NR6A1: variants seen among roughly 807,000 people sequenced by gnomAD.
The protein encoded by NR6A1 is nuclear receptor subfamily 6 group A member 1, also known as retinoic acid receptor-related testis-associated receptor.
NR6A1 carries 7 observed loss-of-function variants against 59.1 expected under a neutral mutation model. The ratio of observed to expected loss-of-function variants is 0.12; its 90% CI spans 0.07 to 0.22. The LOEUF (loss-of-function observed/expected upper bound fraction) is 0.22. Among genes scored for constraint, NR6A1 ranks in the 10% least tolerant of loss-of-function variants. The pLI is 1.00. For synonymous variants in NR6A1, 243 were observed against 236.1 expected, an observed-to-expected ratio of 1.03 and a Z score of -0.27; for missense variants, 468 against 611.6, an observed-to-expected ratio of 0.77 and a Z score of 2.48.
chr9:124,568,010 C>T (rs1266053098), intron 2 of NR6A1, among the ~76,000 whole-genome samples: 5 of 150,044 alleles, frequency 3.3e-5, no homozygotes, highest in Non-Finnish European at 5.9e-5. Context: ...CCCATCTCTA[C>T]TAAAAATACA....
At chr9:124,729,835 G>A (rs1357187751) in intron 2 of NR6A1, among the ~76,000 whole-genome samples, 2 of 147,434 alleles carry the variant, frequency 1.4e-5, no homozygotes, top group African/African-American at 2.5e-5. Context: ...TTTTTGAGAC[G>A]GAGTCTCGCT....
chr9:124,611,740 A>G (rs1835749158), intron 2 of NR6A1, among the ~76,000 whole-genome samples: 1 of 147,378 alleles, frequency 6.8e-6, no homozygotes, highest in Non-Finnish European at 1.5e-5. Flanking sequence ...ACAGAGTGAG[A>G]CCCTGTCTTA....
chr9:124,634,053 T>C (rs999694818), intron 2 of NR6A1, among the ~76,000 whole-genome samples: 1 of 152,250 alleles, frequency 6.6e-6, no homozygotes. Context: ...AAGTTGATTA[T>C]TCAGAGGATG....
intron 1 of NR6A1, among the ~76,000 whole-genome samples, chr9:124,759,770 G>A (rs932117481): frequency 6.6e-6 from 1 of 152,198 alleles, no homozygotes; most frequent in African/African-American, 2.4e-5. Context: ...GCCAGGGGCT[G>A]TGGCTCACAG....
intron 2 of NR6A1, among the ~76,000 whole-genome samples, chr9:124,559,909 T>C (rs564996526): frequency 1.6e-4 from 24 of 152,386 alleles, no homozygotes; most frequent in African/African-American, 5.8e-4. Flanking sequence ...TGATTTTTCT[T>C]AATATCATTT....
intron 2 of NR6A1, among the ~76,000 whole-genome samples, chr9:124,679,326 C>A (rs1282142994): frequency 6.6e-6 from 1 of 152,122 alleles, no homozygotes; most frequent in Non-Finnish European, 1.5e-5. Context: ...CTTTGTTCTC[C>A]AAACTGATTT....
intron 2 of NR6A1, chr9:124,599,355 G>T (rs1009680120): frequency 2.8e-6 from 1 of 359,180 alleles, no homozygotes; most frequent in Non-Finnish European, 5.3e-6. Context: ...GGAGGCGGAG[G>T]TTGCAGTGAG....
intron 2 of NR6A1, among the ~76,000 whole-genome samples, chr9:124,582,128 A>G (rs536315517): frequency 1.3e-5 from 2 of 152,328 alleles, no homozygotes; most frequent in African/African-American, 2.4e-5. Context: ...GTACATGTAC[A>G]TTCATTGCAG....
At chr9:124,712,288 C>T (rs1317209883) in intron 2 of NR6A1, among the ~76,000 whole-genome samples, 1 of 151,772 alleles carries the variant, frequency 6.6e-6, no homozygotes, top group African/African-American at 2.4e-5. Context: ...GGGAATATGC[C>T]CAAAATGAGA....
intron 2 of NR6A1, among the ~76,000 whole-genome samples, chr9:124,567,704 C>A (rs1564182861): frequency 6.6e-6 from 1 of 152,234 alleles, no homozygotes; most frequent in East Asian, 1.9e-4. Flanking sequence ...AAAAACCATA[C>A]TGACTTAAAA....
chr9:124,708,844 C>T (rs1331706100), intron 2 of NR6A1, among the ~76,000 whole-genome samples: 1 of 152,188 alleles, frequency 6.6e-6, no homozygotes, highest in Non-Finnish European at 1.5e-5. Context: ...GCCTTGGTCA[C>T]TATGATTAAG....
At chr9:124,553,976 G>A (rs1015694385) in intron 3 of NR6A1, among the ~76,000 whole-genome samples, 6 of 152,124 alleles carry the variant, frequency 3.9e-5, no homozygotes, top group Middle Eastern at 3.4e-3. Context: ...AAATGATACC[G>A]CATTCAGCAA....
intron 3 of NR6A1, among the ~76,000 whole-genome samples, chr9:124,549,837 T>G (rs1456357371): frequency 6.6e-6 from 1 of 152,216 alleles, no homozygotes; most frequent in Non-Finnish European, 1.5e-5. Flanking sequence ...ACAATACTAT[T>G]AACCAAAGTA....
At chr9:124,632,663 G>A (rs970089343) in intron 2 of NR6A1, among the ~76,000 whole-genome samples, 3 of 152,170 alleles carry the variant, frequency 2.0e-5, no homozygotes, top group Non-Finnish European at 4.4e-5. Context: ...GCAATGTGCT[G>A]TTCCTAAAAG....
At chr9:124,618,931 G>A (rs1299174892) in intron 2 of NR6A1, among the ~76,000 whole-genome samples, 1 of 152,136 alleles carries the variant, frequency 6.6e-6, no homozygotes, top group Non-Finnish European at 1.5e-5. Flanking sequence ...CCACCATTTG[G>A]GGGAGGACGA....
In NR6A1 at chr9:124,719,978, C is replaced by G. The variant is rs183619419; in HGVS notation, c.142+13330G>C. 2.9e-3 allele frequency among the ~76,000 whole-genome samples: 442 copies of G among 151,256 alleles called. 2 individuals carry two copies. Among genetic ancestry groups the G allele is most frequent in the Non-Finnish European group, 4.9e-3 (332 of 67,998 alleles). On this transcript the variant is annotated intron_variant, in intron 2 of 9. Coordinates refer to ENST00000487099, the MANE Select transcript of NR6A1 (RefSeq NM_033334.4). ...CAGCCAAGAGATGCCATATAAAAAT[C>G]TGAGCTCAATGTTAGATATTACAAT...
At chr9:124,620,316 T>C (rs895144722) in intron 2 of NR6A1, among the ~76,000 whole-genome samples, 5 of 152,164 alleles carry the variant, frequency 3.3e-5, no homozygotes, top group African/African-American at 1.2e-4. Context: ...TTTTTCAGAA[T>C]AGGCATGAAG....
intron 2 of NR6A1, among the ~76,000 whole-genome samples, chr9:124,624,998 G>C (rs921125621): frequency 7.0e-6 from 1 of 142,578 alleles, no homozygotes; most frequent in Non-Finnish European, 1.5e-5. Flanking sequence ...ATATATATTT[G>C]GATAACTTTC....
At chr9:124,759,168 A>G (rs1462707008) in intron 1 of NR6A1, among the ~76,000 whole-genome samples, 1 of 152,174 alleles carries the variant, frequency 6.6e-6, no homozygotes, top group African/African-American at 2.4e-5. Context: ...TTAGGAAATC[A>G]CCTTCTGTAT....
Sources: allele counts gnomAD v4.1 joint callset (sites outside exome capture counted in the v4.1 genomes callset), GRCh38; gene constraint gnomAD v4.1.1; transcripts MANE v1.5; gene names NCBI Gene and HGNC (gene_info 2026-07-23, HGNC 2026-07-21).